Variants in ACKR3 observed in about 807,000 individuals in gnomAD.
The protein encoded by ACKR3 is atypical chemokine receptor 3.
ACKR3 carries 6 observed loss-of-function variants against 22.4 expected under a neutral mutation model. The ratio of observed to expected loss-of-function variants is 0.27; its 90% CI spans 0.15 to 0.53. ACKR3 has a LOEUF of 0.53. ACKR3 is among the 20% of genes least tolerant of loss of function. The pLI is 0.96. For synonymous variants in ACKR3, 209 were observed against 205.2 expected, an observed-to-expected ratio of 1.02 and a Z score of -0.16; for missense variants, 396 against 475.2, an observed-to-expected ratio of 0.83 and a Z score of 1.55.
the ACKR3 span, among the ~76,000 whole-genome samples, chr2:236,541,767 T>G: frequency 7.2e-5 from 11 of 152,144 alleles, no homozygotes; most frequent in African/African-American, 2.4e-4. Flanking sequence ...TGGTGGTAGT[T>G]TACTCCATAC....
At chr2:236,579,808 G>C (rs985146446) in intron 1 of ACKR3, among the ~76,000 whole-genome samples, 2 of 152,238 alleles carry the variant, frequency 1.3e-5, no homozygotes, top group East Asian at 3.8e-4. Context: ...GGCACCCTGC[G>C]TAGGCTCACT....
At chr2:236,565,680 T>C (rs924107826), upstream of ACKR3, among the ~76,000 whole-genome samples, 23 of 152,218 alleles carry the variant, frequency 1.5e-4, no homozygotes, top group African/African-American at 5.1e-4. Flanking sequence ...ATCTATCTTA[T>C]GTGGATTAAA....
chr2:236,563,440 G>GA (rs2106492951), upstream of ACKR3, among the ~76,000 whole-genome samples: 1 of 152,178 alleles, frequency 6.6e-6, no homozygotes, highest in Non-Finnish European at 1.5e-5. Flanking sequence ...TAAGTGCCAC[G>GA]AAAAAATAGG....
At chr2:236,540,619 T>C in the ACKR3 span, among the ~76,000 whole-genome samples, 5 of 152,244 alleles carry the variant, frequency 3.3e-5, no homozygotes, top group Non-Finnish European at 5.9e-5. Context: ...ATAAGTTATA[T>C]AATTTAATCT....
At chr2:236,580,367 C>T in intron 1 of ACKR3, 73 bp from the exon 2 acceptor site, 1 of 1,507,150 alleles carries the variant, frequency 6.6e-7, no homozygotes, top group Non-Finnish European at 8.9e-7. Context: ...AGCATTTTTG[C>T]CTGAAACTTG....
the ACKR3 span, among the ~76,000 whole-genome samples, chr2:236,560,977 A>G: frequency 6.6e-6 from 1 of 152,258 alleles, no homozygotes; most frequent in African/African-American, 2.4e-5. Flanking sequence ...CTCCGTCTTA[A>G]TAAAGAAGGA....
the ACKR3 span, among the ~76,000 whole-genome samples, chr2:236,562,166 A>T: frequency 1.3e-5 from 2 of 152,224 alleles, no homozygotes; most frequent in Non-Finnish European, 2.9e-5. Flanking sequence ...GTCAAATCAA[A>T]ATCATTCTAT....
chr2:236,580,707 G>A lies in ACKR3; in HGVS notation c.242G>A (p.Cys81Tyr). Residue 81 changes from cysteine (C) to tyrosine (Y), a missense_variant, in exon 2 of 2, where the codon TGC (cysteine) becomes TAC (tyrosine). Physicochemically the swap from Cys to Tyr is radical, Grantham distance 194. Coordinates refer to ENST00000272928, the MANE Select transcript of ACKR3 (RefSeq NM_020311.3). ...AAGACCACAGGCTATGACACGCACT[G>A]CTACATCTTGAACCTGGCCATTGCC... ...QAKTTGYDTHCYILNLAIADL... is the reference protein window; with the variant it reads ...QAKTTGYDTHYYILNLAIADL... The A allele has an allele frequency of 6.2e-7, 1 of 1,614,154 alleles. No homozygotes were observed. The highest frequency in any genetic ancestry group is 1.1e-5 in the South Asian group (1 of 91,076).
intron 1 of ACKR3, among the ~76,000 whole-genome samples, chr2:236,572,677 C>T (rs1051758498): frequency 3.3e-5 from 5 of 152,182 alleles, no homozygotes; most frequent in African/African-American, 4.8e-5. Context: ...TACACTGGGC[C>T]GGCCCAGACG....
the ACKR3 span, among the ~76,000 whole-genome samples, chr2:236,553,783 G>A: frequency 1.6e-4 from 25 of 152,264 alleles, no homozygotes; most frequent in Non-Finnish European, 3.1e-4. Flanking sequence ...CTCTTGGTTT[G>A]TCAGCGTCTG....
chr2:236,567,106 G>A (rs935307155), upstream of ACKR3, among the ~76,000 whole-genome samples: 5 of 152,162 alleles, frequency 3.3e-5, no homozygotes, highest in African/African-American at 1.2e-4. Context: ...CCGGGTTCAA[G>A]CGATTCTCCT....
chr2:236,543,050 T>C, the ACKR3 span, among the ~76,000 whole-genome samples: 2 of 152,196 alleles, frequency 1.3e-5, no homozygotes, highest in Admixed American at 1.3e-4. Flanking sequence ...GCAATGACAG[T>C]TGGGTGCAAT....
At chr2:236,538,708 A>G in the ACKR3 span, among the ~76,000 whole-genome samples, 2 of 152,184 alleles carry the variant, frequency 1.3e-5, no homozygotes, top group African/African-American at 2.4e-5. Context: ...CGGTTGCCAG[A>G]TAAAATACAG....
chr2:236,572,903 TAG>T (rs896284525), intron 1 of ACKR3, among the ~76,000 whole-genome samples: 2 of 152,236 alleles, frequency 1.3e-5, no homozygotes, highest in African/African-American at 4.8e-5. Context: ...AATCAGGATA[TAG>T]AGTTTTCTGT....
In ACKR3 at chr2:236,574,252, CCA is replaced by C. The variant is rs1285323635; in HGVS notation, c.-27+4331_-27+4332del. Among the ~76,000 whole-genome samples the C allele has an allele frequency of 2.0e-5, 3 of 152,144 alleles. No homozygotes were observed. The highest frequency in any genetic ancestry group is 4.4e-5 in the Non-Finnish European group (3 of 68,030). ...CCTGGACGCCCGTCTCCGCTGCTGG[CCA>C]CAGTCGCTGGTCTTGGTGGGGCACG... On this transcript the variant is annotated intron_variant, in intron 1 of 1. Coordinates refer to ENST00000272928, the MANE Select transcript of ACKR3 (RefSeq NM_020311.3). The surrounding 1 kb of genome is among the most constrained non-coding windows in gnomAD (Gnocchi z 5.6).
chr2:236,581,828 G>T lies in ACKR3; in HGVS notation c.*274G>T, dbSNP rs1455919188. ...TGAGGACAGGCTTGCCTGGACTTCT[G>T]TAAGATAGGATTTTCTGTGTTTCCT... On this transcript the variant is annotated 3_prime_UTR_variant, in exon 2 of 2. Transcript: ENST00000272928. The surrounding 1 kb of genome is among the most constrained non-coding windows in gnomAD (Gnocchi z 4.4). 6.5e-6 allele frequency: 2 copies of T among 308,402 alleles called. No homozygotes were observed. Among genetic ancestry groups the T allele is most frequent in the Non-Finnish European group, 1.3e-5 (2 of 158,844 alleles). The allele number at this position is 308,402 out of a possible 1,614,324, so 19.1% of individuals were successfully genotyped here. A position where few individuals can be genotyped will look rare whatever the true frequency, so the allele number is the denominator to read the frequency against.
the ACKR3 span, among the ~76,000 whole-genome samples, chr2:236,558,076 C>T: frequency 2.6e-5 from 4 of 152,130 alleles, no homozygotes; most frequent in Admixed American, 6.5e-5. Context: ...AGAACAGACA[C>T]GCTCGGGATA....
chr2:236,553,360 G>A, the ACKR3 span, among the ~76,000 whole-genome samples: 1 of 152,330 alleles, frequency 6.6e-6, no homozygotes, highest in African/African-American at 2.4e-5. Flanking sequence ...AAAACCACAG[G>A]TGCCATTTGG....
the ACKR3 span, among the ~76,000 whole-genome samples, chr2:236,540,698 A>AT: frequency 3.5e-4 from 53 of 152,170 alleles, 1 homozygote; most frequent in African/African-American, 6.7e-4. Context: ...GTTGAGGTTC[A>AT]TTTTTTTCCT....
Sources: allele counts gnomAD v4.1 joint callset (sites outside exome capture counted in the v4.1 genomes callset), GRCh38; gene constraint gnomAD v4.1.1; non-coding constraint Gnocchi (gnomAD v3.1); transcripts MANE v1.5; gene names NCBI Gene and HGNC (gene_info 2026-07-23, HGNC 2026-07-21).